Variants in SLC14A2 observed in about 807,000 individuals in gnomAD.
SLC14A2 encodes solute carrier family 14 member 2, also known as urea transporter 2.
In SLC14A2, 91 loss-of-function variants were observed where a neutral mutation model predicts 104.6. That is an observed-to-expected ratio of 0.87 (90% CI 0.73 to 1.04). The LOEUF is 1.04. Among genes scored for constraint, SLC14A2 ranks in the 50% least tolerant of loss-of-function variants. SLC14A2 has a pLI of 0.00. For missense variants in SLC14A2, 1,189 were observed against 1,156.0 expected (o/e 1.03, Z -0.41); for synonymous variants, 476 against 466.4 (o/e 1.02, Z -0.27).
intron 1 of SLC14A2, among the ~76,000 whole-genome samples, chr18:45,318,785 C>CT (rs1332858246): frequency 1.4e-5 from 2 of 147,848 alleles, no homozygotes; most frequent in Non-Finnish European, 3.0e-5. Flanking sequence ...AAAACTCTGT[C>CT]TAAAAAAAAA....
chr18:45,204,294 C>A, the SLC14A2 span, among the ~76,000 whole-genome samples: 1 of 152,142 alleles, frequency 6.6e-6, no homozygotes, highest in Non-Finnish European at 1.5e-5. Context: ...TGGGAGAAAG[C>A]TCAAACATCT....
At chr18:45,427,788 G>A (rs1342801361) in intron 1 of SLC14A2, among the ~76,000 whole-genome samples, 2 of 152,178 alleles carry the variant, frequency 1.3e-5, no homozygotes, top group Non-Finnish European at 2.9e-5. Context: ...GAGCATCCTT[G>A]TGTGTGTTAC....
chr18:45,470,832 T>A (rs1249768087), intron 1 of SLC14A2, among the ~76,000 whole-genome samples: 1 of 152,282 alleles, frequency 6.6e-6, no homozygotes, highest in African/African-American at 2.4e-5. Context: ...AAACATTTCC[T>A]TCTATTTGAT....
chr18:45,559,041 G>A (rs796200895), intron 2 of SLC14A2, among the ~76,000 whole-genome samples: 3 of 151,994 alleles, frequency 2.0e-5, no homozygotes, highest in African/African-American at 4.8e-5. Flanking sequence ...CGCCCGCCTC[G>A]GCCTCCTAAA....
chr18:45,444,463 G>T (rs2086731302), intron 1 of SLC14A2, among the ~76,000 whole-genome samples: 1 of 152,282 alleles, frequency 6.6e-6, no homozygotes, highest in South Asian at 2.1e-4. Context: ...CCCCAGCATA[G>T]GTTTCTTCCT....
chr18:45,328,052 C>G (rs1259846171), intron 1 of SLC14A2, among the ~76,000 whole-genome samples: 2 of 152,104 alleles, frequency 1.3e-5, no homozygotes, highest in Non-Finnish European at 2.9e-5. Flanking sequence ...ACATAGCCCT[C>G]TTGGCAACTG....
intron 1 of SLC14A2, among the ~76,000 whole-genome samples, chr18:45,478,988 T>G (rs1006063159): frequency 3.3e-5 from 5 of 152,240 alleles, no homozygotes; most frequent in African/African-American, 1.2e-4. Context: ...CGGTGTTGGT[T>G]CTGCCCTCTT....
intron 2 of SLC14A2, among the ~76,000 whole-genome samples, chr18:45,524,333 A>G (rs764644852): frequency 6.6e-6 from 1 of 152,200 alleles, no homozygotes; most frequent in African/African-American, 2.4e-5. Context: ...GAGGTCCTCA[A>G]TAAATGCTTG....
intron 1 of SLC14A2, among the ~76,000 whole-genome samples, chr18:45,320,200 C>G (rs2085171250): frequency 6.6e-6 from 1 of 152,284 alleles, no homozygotes; most frequent in Non-Finnish European, 1.5e-5. Context: ...TTTCCTGGAC[C>G]TGTAAGCTAA....
the SLC14A2 span, among the ~76,000 whole-genome samples, chr18:45,178,249 A>G: frequency 1.3e-5 from 2 of 152,188 alleles, no homozygotes; most frequent in East Asian, 3.9e-4. Context: ...TTTAATATAG[A>G]AACAAGATGA....
chr18:45,443,814 A>C (rs974976588), intron 1 of SLC14A2, among the ~76,000 whole-genome samples: 5 of 152,118 alleles, frequency 3.3e-5, no homozygotes, highest in African/African-American at 1.2e-4. Context: ...TCTCATTTTG[A>C]ATAAGGGTGT....
intron 2 of SLC14A2, among the ~76,000 whole-genome samples, chr18:45,509,071 A>G (rs1226649061): frequency 6.6e-6 from 1 of 152,172 alleles, no homozygotes; most frequent in African/African-American, 2.4e-5. Flanking sequence ...AGCCTCCTGT[A>G]TAGCCAGTGG....
chr18:45,246,887 TA>T (rs1395330292), intron 1 of SLC14A2, among the ~76,000 whole-genome samples: 21 of 151,894 alleles, frequency 1.4e-4, no homozygotes, highest in Admixed American at 5.9e-4. Context: ...ACACCTATTG[TA>T]ATCCCCATTT....
At chr18:45,609,642 C>A (rs1234355185) in intron 2 of SLC14A2, among the ~76,000 whole-genome samples, 1 of 152,150 alleles carries the variant, frequency 6.6e-6, no homozygotes, top group Non-Finnish European at 1.5e-5. Flanking sequence ...CAGGGTTGGG[C>A]AAATCAATAA....
chr18:45,439,623 A>G (rs753669444), intron 1 of SLC14A2, among the ~76,000 whole-genome samples: 2 of 152,218 alleles, frequency 1.3e-5, no homozygotes, highest in Non-Finnish European at 2.9e-5. Flanking sequence ...ATAATTACAT[A>G]TAATTAGCTA....
intron 1 of SLC14A2, among the ~76,000 whole-genome samples, chr18:45,324,619 A>C (rs1327370107): frequency 6.6e-6 from 1 of 152,026 alleles, no homozygotes; most frequent in Non-Finnish European, 1.5e-5. Context: ...AAAGACTGGC[A>C]GCACATGTAA....
intron 2 of SLC14A2, among the ~76,000 whole-genome samples, chr18:45,574,623 G>C (rs538044134): frequency 6.6e-6 from 1 of 152,230 alleles, no homozygotes; most frequent in Non-Finnish European, 1.5e-5. Flanking sequence ...AGTACATATG[G>C]AAGCTGACAT....
At chr18:45,454,730 A>T (rs1045318358) in intron 1 of SLC14A2, among the ~76,000 whole-genome samples, 18 of 152,206 alleles carry the variant, frequency 1.2e-4, no homozygotes, top group Non-Finnish European at 2.1e-4. Context: ...ATGGCTAGCC[A>T]GTTTTCCCAA....
intron 1 of SLC14A2, among the ~76,000 whole-genome samples, chr18:45,476,728 G>C (rs1466704685): frequency 6.6e-6 from 1 of 151,914 alleles, no homozygotes; most frequent in African/African-American, 2.4e-5. Context: ...ATTTCATTAA[G>C]TTGATCTTCA....
Sources: allele counts gnomAD v4.1 joint callset (sites outside exome capture counted in the v4.1 genomes callset), GRCh38; gene constraint gnomAD v4.1.1; transcripts MANE v1.5; gene names NCBI Gene and HGNC (gene_info 2026-07-23, HGNC 2026-07-21).